The following RXFP1 variants were observed in gnomAD, a reference collection of about 807,000 sequenced individuals.
The protein encoded by RXFP1 is relaxin receptor 1.
Under a neutral mutation model 89.8 loss-of-function variants are expected in RXFP1, and 73 were observed. The ratio of observed to expected loss-of-function variants is 0.81; its 90% CI spans 0.67 to 0.99. RXFP1 has a LOEUF of 0.99. RXFP1 is among the 50% of genes least tolerant of loss of function. RXFP1 has a pLI of 0.00. For missense variants in RXFP1, 793 were observed against 895.5 expected (o/e 0.89, Z 1.46); for synonymous variants, 277 against 305.5 (o/e 0.91, Z 0.97).
chr4:158,521,892 C>G lies in RXFP1; in HGVS notation c.-85C>G. The G allele has an allele frequency of 3.7e-6, 3 of 810,908 alleles. No homozygotes were observed. In the Admixed American group the frequency reaches 6.6e-5, roughly 18 times the overall value. 50.2% of individuals were successfully genotyped at this position (810,908 alleles called of 1,614,324 possible). ...GCTAAGATTGCAGACAGAAATAGCA[C>G]ACAACCACTGTGAGCTGTATGCGAT... On this transcript the variant is annotated 5_prime_UTR_variant, in exon 1 of 18. Coordinates refer to ENST00000307765, the MANE Select transcript of RXFP1 (RefSeq NM_021634.4).
chr4:158,604,938 AG>A (rs1311780087), intron 4 of RXFP1, 129 bp from the exon 5 acceptor site: 1 of 503,390 alleles, frequency 2.0e-6, no homozygotes, highest in Non-Finnish European at 3.6e-6. Flanking sequence ...TAAATATGAG[AG>A]AGACATTATG....
At chr4:158,580,514 A>G (rs542632442) in intron 2 of RXFP1, among the ~76,000 whole-genome samples, 161 of 152,204 alleles carry the variant, frequency 1.1e-3, no homozygotes, top group Non-Finnish European at 1.6e-3. Flanking sequence ...AGTTGCGGCA[A>G]CAAACAACAG....
rs376197511 is a variant in RXFP1, at chr4:158,606,746, G to A, written c.465-1226G>A. On this transcript the variant is annotated intron_variant, in intron 5 of 17. Coordinates refer to ENST00000307765, the MANE Select transcript of RXFP1 (RefSeq NM_021634.4). Reference sequence around the variant, plus strand: ...CTACAGGCATGTGCCACCACACCTGGCTCCTTTTTTTTTTTTTTTTAGAGA... The same window carrying A: ...CTACAGGCATGTGCCACCACACCTGACTCCTTTTTTTTTTTTTTTTAGAGA... Among the ~76,000 whole-genome samples, 176 of 149,856 alleles carry A rather than the reference G, an allele frequency of 1.2e-3. 8 individuals carry two copies. In the South Asian group the frequency reaches 0.022, roughly 18 times the overall value.
intron 1 of RXFP1, among the ~76,000 whole-genome samples, chr4:158,538,374 A>C (rs1745769296): frequency 6.6e-6 from 1 of 152,208 alleles, no homozygotes; most frequent in Admixed American, 6.5e-5. Flanking sequence ...AGAGATGAGA[A>C]GTTGACTCAT....
rs1772960283 is a variant in RXFP1 at position 158,652,750 on chromosome 4, T to C, written c.*695T>C. The C allele has an allele frequency of 6.6e-6, 1 of 152,188 alleles. No homozygotes were observed. Among genetic ancestry groups the C allele is most frequent in the African/African-American group, 2.4e-5 (1 of 41,430 alleles). The allele number at this position is 152,188 out of a possible 1,614,324, so 9.4% of individuals were successfully genotyped here. A position where few individuals can be genotyped will look rare whatever the true frequency, so the allele number is the denominator to read the frequency against. ...TTTAAATGAACATCATCATATGGAATTGGAATAGGAGAGTATGAGTACGGC... is the reference window on the plus strand; with the variant it reads ...TTTAAATGAACATCATCATATGGAACTGGAATAGGAGAGTATGAGTACGGC... On this transcript the variant is annotated 3_prime_UTR_variant, in exon 18 of 18. Coordinates refer to ENST00000307765, the MANE Select transcript of RXFP1 (RefSeq NM_021634.4).
At chr4:158,637,984 A>G in intron 12 of RXFP1, 24 bp from the exon 13 acceptor site, 1 of 1,476,662 alleles carries the variant, frequency 6.8e-7, no homozygotes, top group Non-Finnish European at 9.5e-7. Context: ...GAAATGACCT[A>G]TTGCTGCTTT....
Position 158,572,717 on chromosome 4 carries a change from G to A in RXFP1, c.69G>A (p.Gln23=), listed in dbSNP as rs1283014312. Residue 23 remains glutamine (Q), a synonymous_variant, in exon 2 of 18, where the codon CAG becomes CAA. Coordinates refer to ENST00000307765, the MANE Select transcript of RXFP1 (RefSeq NM_021634.4). ...FGKYFSHGGG[Q]DVKCSLGYFP... ...CCTCAGTTTCTCATGGGGGTGGACA[G>A]GATGTCAAGTGCTCCCTTGGCTATT... is the stretch of plus-strand genomic sequence containing the variant. The A allele has an allele frequency of 6.2e-7, 1 of 1,614,170 alleles. No individual in the cohort carries two copies. The highest frequency in any genetic ancestry group is 1.3e-5 in the African/African-American group (1 of 75,052).
rs1457396377 is a variant in RXFP1 at position 158,648,588 on chromosome 4, A to G, written c.1846A>G (p.Ile616Val). ...TCAAAGTGCCATAACAGCAACTGAA[A>G]TACGGAATCAAGTTAAAAAAGAGAT... ...VHQSAITATE[I>V]RNQVKKEMIL... The change falls in exon 17 of 18, where the codon ATA becomes GTA. Residue 616 changes from isoleucine (I) to valine (V), a missense_variant. Physicochemically the swap from Ile to Val is conservative, Grantham distance 29. Coordinates refer to ENST00000307765, the MANE Select transcript of RXFP1 (RefSeq NM_021634.4). 6.2e-7 allele frequency: 1 copy of G among 1,613,226 alleles called. No homozygotes were observed.
intron 6 of RXFP1, 49 bp downstream of exon 6, chr4:158,608,092 C>T: frequency 8.0e-7 from 1 of 1,243,980 alleles, no homozygotes; most frequent in East Asian, 2.3e-5. Flanking sequence ...AGTCTGACAG[C>T]CTAGACTATT....
intron 1 of RXFP1, among the ~76,000 whole-genome samples, chr4:158,533,031 G>A (rs1744434764): frequency 6.6e-6 from 1 of 152,154 alleles, no homozygotes; most frequent in South Asian, 2.1e-4. Flanking sequence ...CTCTCAGCAG[G>A]TTCAGGAAAA....
intron 3 of RXFP1, among the ~76,000 whole-genome samples, chr4:158,594,637 C>T (rs967900393): frequency 1.3e-5 from 2 of 151,992 alleles, no homozygotes; most frequent in African/African-American, 4.8e-5. Flanking sequence ...ATCTTTGTAT[C>T]TGCCCAGAAA....
At chr4:158,629,610 T>G (rs1332275444) in intron 11 of RXFP1, among the ~76,000 whole-genome samples, 1 of 151,706 alleles carries the variant, frequency 6.6e-6, no homozygotes, top group African/African-American at 2.4e-5. Context: ...TAGTGTCAAT[T>G]TTTTTCTTTT....
At chr4:158,536,161 C>T (rs1192377513) in intron 1 of RXFP1, among the ~76,000 whole-genome samples, 1 of 152,160 alleles carries the variant, frequency 6.6e-6, no homozygotes, top group Non-Finnish European at 1.5e-5. Context: ...AGATTTTATT[C>T]AGCAACTATA....
At chr4:158,626,140 A>ATAGATAGATAGATAGATAGT (rs1554019501) in intron 9 of RXFP1, among the ~76,000 whole-genome samples, 22 of 147,230 alleles carry the variant, frequency 1.5e-4, no homozygotes, top group African/African-American at 4.7e-4. Context: ...AGATAGATAG[A>ATAGATAGATAGATAGATAGT]TAGATAGATA....
chr4:158,542,110 T>TATATATATATATA (rs56793848), intron 1 of RXFP1, among the ~76,000 whole-genome samples: 20 of 13,700 alleles, frequency 1.5e-3, no homozygotes, highest in African/African-American at 3.2e-3. Flanking sequence ...TATATATATA[T>TATATATATATATA]TTTTTTTTTA....
intron 8 of RXFP1, 78 bp from the exon 9 acceptor site, chr4:158,617,053 A>G: frequency 1.0e-6 from 1 of 960,204 alleles, no homozygotes; most frequent in East Asian, 2.6e-5. Flanking sequence ...TTTCATAAGA[A>G]TAATAATAAT....
intron 5 of RXFP1, 79 bp from the exon 6 acceptor site, chr4:158,607,893 C>A: frequency 2.3e-6 from 2 of 866,286 alleles, no homozygotes; most frequent in Non-Finnish European, 3.7e-6. Flanking sequence ...TCACCATCAT[C>A]CATCCACAGA....
chr4:158,608,033 CT>C lies in RXFP1; in HGVS notation c.528del (p.Thr177LeufsTer10). ...CTATGCTTTCAGAGGACTGAATAGC[CT>C]TACTAAACTGTAAGTACCAGTGTGA... is the stretch of plus-strand genomic sequence containing the variant. ...SIYAFRGLNS[L>X]TKLYLSHNRI... On this transcript the variant is annotated frameshift_variant, in exon 6 of 18. Coordinates refer to ENST00000307765, the MANE Select transcript of RXFP1 (RefSeq NM_021634.4). LOFTEE classifies it high-confidence loss of function. 6.3e-7 allele frequency: 1 copy of C among 1,598,566 alleles called. No individual in the cohort carries two copies. The highest frequency in any genetic ancestry group is 8.6e-7 in the Non-Finnish European group (1 of 1,167,234).
At chr4:158,628,182 C>A (rs936889540) in intron 10 of RXFP1, among the ~76,000 whole-genome samples, 1 of 152,178 alleles carries the variant, frequency 6.6e-6, no homozygotes, top group Admixed American at 6.6e-5. Flanking sequence ...ATTAGAGATT[C>A]TTCTAAAGGG....
Sources: gnomAD v4.1 joint callset for allele counts (sites outside exome capture counted in the v4.1 genomes callset) on GRCh38, gnomAD v4.1.1 for gene constraint, MANE v1.5 for transcripts, NCBI Gene and HGNC (gene_info 2026-07-23, HGNC 2026-07-21) for gene names.